Variants in UBE2D2 observed in about 807,000 individuals in gnomAD.
The protein encoded by UBE2D2 is ubiquitin-conjugating enzyme E2 D2.
UBE2D2 carries 2 observed loss-of-function variants against 24.2 expected under a neutral mutation model. That is an observed-to-expected ratio of 0.08 (90% CI 0.03 to 0.26). The LOEUF (loss-of-function observed/expected upper bound fraction) is 0.26. UBE2D2 is among the 10% of genes least tolerant of loss of function. The probability of loss-of-function intolerance (pLI) is 1.00; values close to 1 mark genes in which losing one functional copy is unlikely to be tolerated. For synonymous variants in UBE2D2, 58 were observed against 56.5 expected (o/e 1.03, Z -0.12); for missense variants, 44 against 177.6 (o/e 0.25, Z 4.28).
chr5:139,534,426 C>A lies in UBE2D2; in HGVS notation c.-64+7814C>A, dbSNP rs542329539. Among the ~76,000 whole-genome samples the A allele has an allele frequency of 3.9e-5, 6 of 152,146 alleles. 1 individual carries two copies. The South Asian group carries it at 1.2e-3, about 32-fold the overall frequency. Reference sequence around the variant, plus strand: ...CTAAAAATACAAACCATTAGCCGGGCGTCGTGGCGGGCGCCTGTAGTCCCA... The same window carrying A: ...CTAAAAATACAAACCATTAGCCGGGAGTCGTGGCGGGCGCCTGTAGTCCCA... On this transcript the variant is annotated intron_variant, in intron 1 of 6. Transcript: ENST00000511725.
At chr5:139,593,177 G>A (rs1470717321) in intron 1 of UBE2D2, among the ~76,000 whole-genome samples, 1 of 151,314 alleles carries the variant, frequency 6.6e-6, no homozygotes, top group Non-Finnish European at 1.5e-5. Flanking sequence ...TATATTTTTA[G>A]TAGAGACAGG....
intron 1 of UBE2D2, among the ~76,000 whole-genome samples, chr5:139,592,181 G>A (rs979182458): frequency 1.3e-5 from 2 of 152,084 alleles, no homozygotes; most frequent in Non-Finnish European, 1.5e-5. Context: ...TAGCCTGGGC[G>A]ACAAAGCAAG....
At chr5:139,531,358 G>A (rs554764604) in intron 1 of UBE2D2, among the ~76,000 whole-genome samples, 1 of 152,304 alleles carries the variant, frequency 6.6e-6, no homozygotes, top group African/African-American at 2.4e-5. Flanking sequence ...GGTGCATGCA[G>A]CCCCTGTCAC....
At chr5:139,585,908 G>A (rs1165366942) in intron 1 of UBE2D2, among the ~76,000 whole-genome samples, 1 of 125,072 alleles carries the variant, frequency 8.0e-6, no homozygotes, top group Non-Finnish European at 1.6e-5. Context: ...CTGCACTCCA[G>A]CCTGGCAACA....
chr5:139,533,744 G>A (rs1321073612), intron 1 of UBE2D2, among the ~76,000 whole-genome samples: 1 of 151,676 alleles, frequency 6.6e-6, no homozygotes, highest in Non-Finnish European at 1.5e-5. Context: ...GTAATTCCAA[G>A]AATTTAACTA....
intron 1 of UBE2D2, among the ~76,000 whole-genome samples, chr5:139,536,310 G>T (rs1325332352): frequency 1.3e-5 from 2 of 151,368 alleles, no homozygotes. Context: ...CATTGGTCAG[G>T]CTGGTCTCGA....
At chr5:139,581,770 G>A (rs918665150) in intron 1 of UBE2D2, among the ~76,000 whole-genome samples, 1 of 152,050 alleles carries the variant, frequency 6.6e-6, no homozygotes, top group African/African-American at 2.4e-5. Context: ...CCGAGTTCAA[G>A]CTATTCTCCT....
At chr5:139,594,788 A>G (rs553383471) in intron 1 of UBE2D2, among the ~76,000 whole-genome samples, 2 of 152,272 alleles carry the variant, frequency 1.3e-5, no homozygotes, top group East Asian at 1.9e-4. Flanking sequence ...TTTTCTAAAC[A>G]TAATTATATA....
In UBE2D2 at chr5:139,569,160, G is replaced by A. The variant is rs529914836; in HGVS notation, c.24+7345G>A. Among the ~76,000 whole-genome samples the A allele has an allele frequency of 3.3e-5, 5 of 152,090 alleles. No homozygotes were observed. In the South Asian group the frequency reaches 1.0e-3, roughly 32 times the overall value. On this transcript the variant is annotated intron_variant, in intron 1 of 6. Coordinates refer to ENST00000398733, the MANE Select transcript of UBE2D2 (RefSeq NM_003339.3). ...GTTCTATCTTGGATAGTTCTATCTT[G>A]GATACCTTCTTACTCCAAAAGGTGA...
At chr5:139,531,347 C>T (rs76480485) in intron 1 of UBE2D2, among the ~76,000 whole-genome samples, 4 of 152,256 alleles carry the variant, frequency 2.6e-5, no homozygotes, top group South Asian at 4.1e-4. Context: ...CTCTGACCAC[C>T]GGTGCATGCA....
At chr5:139,596,780 C>T (rs1477451863) in intron 1 of UBE2D2, among the ~76,000 whole-genome samples, 1 of 151,960 alleles carries the variant, frequency 6.6e-6, no homozygotes, top group African/African-American at 2.4e-5. Flanking sequence ...GGTGCGGTGG[C>T]TCACTCCTGT....
At chr5:139,590,089 T>C (rs536921717) in intron 1 of UBE2D2, among the ~76,000 whole-genome samples, 1 of 152,046 alleles carries the variant, frequency 6.6e-6, no homozygotes, top group East Asian at 1.9e-4. Flanking sequence ...TGGCCAGGGG[T>C]TGGTACTTTC....
intron 1 of UBE2D2, among the ~76,000 whole-genome samples, chr5:139,598,264 A>C (rs1028073787): frequency 3.3e-5 from 5 of 152,174 alleles, no homozygotes; most frequent in African/African-American, 1.2e-4. Context: ...ATGAAACGAC[A>C]TAAGAGTCTA....
chr5:139,569,481 T>A (rs1008875750), intron 1 of UBE2D2, among the ~76,000 whole-genome samples: 2 of 152,204 alleles, frequency 1.3e-5, no homozygotes, highest in Non-Finnish European at 2.9e-5. Context: ...ATCTGACTCA[T>A]GCCTCATGCT....
intron 5 of UBE2D2, 27 bp from the exon 6 acceptor site, chr5:139,623,341 T>C (rs1384045778): frequency 1.3e-6 from 2 of 1,539,838 alleles, no homozygotes; most frequent in Admixed American, 3.5e-5. Context: ...GATCCTCTGC[T>C]AATTTATATG....
At chr5:139,612,549 A>G (rs1754346278) in intron 2 of UBE2D2, among the ~76,000 whole-genome samples, 1 of 152,240 alleles carries the variant, frequency 6.6e-6, no homozygotes, top group African/African-American at 2.4e-5. Flanking sequence ...GTGGAAATGC[A>G]GGTACAATTA....
upstream of UBE2D2, among the ~76,000 whole-genome samples, chr5:139,558,902 G>A (rs1056157709): frequency 3.9e-5 from 6 of 151,936 alleles, no homozygotes; most frequent in Non-Finnish European, 5.9e-5. Flanking sequence ...CCAGGCTCAA[G>A]CTATCCTCCC....
chr5:139,531,873 G>A (rs564419736), intron 1 of UBE2D2, among the ~76,000 whole-genome samples: 2 of 152,172 alleles, frequency 1.3e-5, no homozygotes, highest in African/African-American at 4.8e-5. Context: ...TGTAATCCCA[G>A]CTACTCGGGA....
chr5:139,562,428 G>A (rs1753129340), intron 1 of UBE2D2: 1 of 1,290,214 alleles, frequency 7.8e-7, no homozygotes, highest in South Asian at 1.2e-5. Flanking sequence ...GAGGGAGGAG[G>A]GAAGTAGAGG....
Sources: allele counts gnomAD v4.1 joint callset (sites outside exome capture counted in the v4.1 genomes callset), GRCh38; gene constraint gnomAD v4.1.1; transcripts MANE v1.5; gene names NCBI Gene and HGNC (gene_info 2026-07-23, HGNC 2026-07-21).